Variants in FBXO34 observed in about 807,000 individuals in gnomAD.
FBXO34 encodes the protein F-box protein 34.
In FBXO34, 12 loss-of-function variants were observed where a neutral mutation model predicts 24.5. That is an observed-to-expected ratio of 0.49 (90% CI 0.31 to 0.79). The LOEUF (loss-of-function observed/expected upper bound fraction) is 0.79. Among genes scored for constraint, FBXO34 ranks in the 30% least tolerant of loss-of-function variants. FBXO34 has a pLI of 0.04. For missense variants in FBXO34, 823 were observed against 857.7 expected (o/e 0.96, Z 0.51); for synonymous variants, 320 against 311.9 (o/e 1.03, Z -0.27).
At chr14:55,422,627 A>G in the FBXO34 span, among the ~76,000 whole-genome samples, 2 of 152,162 alleles carry the variant, frequency 1.3e-5, no homozygotes, top group Non-Finnish European at 2.9e-5. Flanking sequence ...CAAGGCAGGT[A>G]GATCACTTGA....
chr14:55,378,809 G>A, the FBXO34 span, among the ~76,000 whole-genome samples: 1 of 152,066 alleles, frequency 6.6e-6, no homozygotes, highest in African/African-American at 2.4e-5. Context: ...GGGCTCAAGC[G>A]ATCCTCCCAC....
At chr14:55,410,252 C>G in the FBXO34 span, among the ~76,000 whole-genome samples, 1 of 152,142 alleles carries the variant, frequency 6.6e-6, no homozygotes, top group Non-Finnish European at 1.5e-5. Flanking sequence ...GTTTTCTGGA[C>G]TTTAGAGAAG....
chr14:55,415,578 G>A, the FBXO34 span, among the ~76,000 whole-genome samples: 16 of 152,160 alleles, frequency 1.1e-4, no homozygotes, highest in Admixed American at 4.6e-4. Flanking sequence ...ACAATTTATA[G>A]TGTAGGCGGG....
the FBXO34 span, chr14:55,435,881 G>A: frequency 6.4e-7 from 1 of 1,572,936 alleles, no homozygotes; most frequent in Middle Eastern, 1.7e-4. Flanking sequence ...TGCATGCAAA[G>A]CTATTTTCTT....
chr14:55,281,813 G>C (rs1881553404), intron 1 of FBXO34, among the ~76,000 whole-genome samples: 1 of 152,036 alleles, frequency 6.6e-6, no homozygotes, highest in African/African-American at 2.4e-5. Flanking sequence ...CGTGTAATGA[G>C]CCTTATCTCC....
intron 1 of FBXO34, among the ~76,000 whole-genome samples, chr14:55,315,346 A>T (rs1349294604): frequency 6.6e-6 from 1 of 152,190 alleles, no homozygotes; most frequent in African/African-American, 2.4e-5. Flanking sequence ...ATTCCTGAAG[A>T]TGTGTTCCCA....
At chr14:55,386,244 T>C in the FBXO34 span, 1 of 651,972 alleles carries the variant, frequency 1.5e-6, no homozygotes, top group Non-Finnish European at 2.6e-6. Flanking sequence ...AGTGGAAAAT[T>C]TGAGAGTTTA....
downstream of FBXO34, chr14:55,369,997 GA>G: frequency 6.8e-7 from 1 of 1,472,264 alleles, no homozygotes; most frequent in Non-Finnish European, 9.2e-7. Flanking sequence ...CCATCTTCCT[GA>G]AGGCCCTCAC....
chr14:55,344,086 C>T (rs1423913457), intron 1 of FBXO34, among the ~76,000 whole-genome samples: 2 of 152,124 alleles, frequency 1.3e-5, no homozygotes, highest in African/African-American at 4.8e-5. Flanking sequence ...CCCCATAGAC[C>T]TGGAAAGGAT....
chr14:55,433,246 A>G, the FBXO34 span, among the ~76,000 whole-genome samples: 1 of 151,356 alleles, frequency 6.6e-6, no homozygotes, highest in African/African-American at 2.4e-5. Flanking sequence ...CTCCCACCTC[A>G]GCTTCCCAAG....
At chr14:55,393,602 G>A in the FBXO34 span, among the ~76,000 whole-genome samples, 2 of 151,110 alleles carry the variant, frequency 1.3e-5, no homozygotes, top group Admixed American at 1.3e-4. Flanking sequence ...TTAGAGTATG[G>A]TGGTGTGATT....
At chr14:55,334,207 G>C (rs375676338) in intron 1 of FBXO34, among the ~76,000 whole-genome samples, 10 of 152,282 alleles carry the variant, frequency 6.6e-5, no homozygotes, top group African/African-American at 2.2e-4. Context: ...AAAGCAGGGC[G>C]CTAATCAGGT....
the FBXO34 span, chr14:55,414,347 A>G: frequency 6.6e-7 from 1 of 1,520,550 alleles, no homozygotes; most frequent in Non-Finnish European, 9.0e-7. Context: ...ACATATTCAA[A>G]CCAGAATAAT....
At position 55,347,320 on chromosome 14, in the gene FBXO34, T is replaced by C. The variant is rs1002268749; in HGVS notation, c.-10-3061T>C. ...GTAATCTGTTGGAGATTTAAAGTTT[T>C]TGCTTTATGGATTTTTGCAGCAGAT... is the stretch of plus-strand genomic sequence containing the variant. On this transcript the variant is annotated intron_variant, in intron 1 of 1. Coordinates refer to ENST00000313833, the MANE Select transcript of FBXO34 (RefSeq NM_017943.4). Among the ~76,000 whole-genome samples the C allele has an allele frequency of 3.9e-5, 6 of 152,156 alleles. No individual in the cohort carries two copies. The South Asian group carries it at 6.2e-4, about 16-fold the overall frequency.
At chr14:55,428,900 A>G in the FBXO34 span, 1 of 1,614,192 alleles carries the variant, frequency 6.2e-7, no homozygotes. Flanking sequence ...TTTAAAATCG[A>G]GGAATCTGGC....
At chr14:55,380,239 C>G in the FBXO34 span, among the ~76,000 whole-genome samples, 1 of 147,630 alleles carries the variant, frequency 6.8e-6, no homozygotes, top group African/African-American at 2.5e-5. Flanking sequence ...CAGAGCGAGA[C>G]TCTGTCTCAA....
At chr14:55,336,574 T>C (rs967575576) in intron 1 of FBXO34, among the ~76,000 whole-genome samples, 1 of 152,156 alleles carries the variant, frequency 6.6e-6, no homozygotes, top group Non-Finnish European at 1.5e-5. Context: ...CCAATAATTA[T>C]GGAAAAATTT....
At chr14:55,316,104 C>CT (rs961207128) in intron 1 of FBXO34, among the ~76,000 whole-genome samples, 22 of 150,794 alleles carry the variant, frequency 1.5e-4, no homozygotes, top group South Asian at 4.2e-4. Flanking sequence ...TTTTAGTCTT[C>CT]TTTTTTTTTG....
At chr14:55,358,091 T>C (rs529842848), downstream of FBXO34, among the ~76,000 whole-genome samples, 4 of 146,536 alleles carry the variant, frequency 2.7e-5, no homozygotes, top group South Asian at 9.7e-4. Flanking sequence ...TCCTCCCCTA[T>C]ACAGACAACG....
Sources: allele counts gnomAD v4.1 joint callset (sites outside exome capture counted in the v4.1 genomes callset), GRCh38; gene constraint gnomAD v4.1.1; transcripts MANE v1.5; gene names NCBI Gene and HGNC (gene_info 2026-07-23, HGNC 2026-07-21).